Variants in SEC31A observed in about 807,000 individuals in gnomAD.
The protein encoded by SEC31A is protein transport protein Sec31A.
A neutral mutation model predicts 151.0 loss-of-function variants in SEC31A; 70 were observed. The ratio of observed to expected loss-of-function variants is 0.46; its 90% CI spans 0.38 to 0.57. SEC31A has a LOEUF of 0.57. Among genes scored for constraint, SEC31A ranks in the 20% least tolerant of loss-of-function variants. The pLI is 0.00. For synonymous variants in SEC31A, 475 were observed against 505.9 expected (o/e 0.94, Z 0.82); for missense variants, 1,330 against 1,471.2 (o/e 0.90, Z 1.57).
intron 1 of SEC31A, among the ~76,000 whole-genome samples, chr4:82,890,275 C>G (rs1578423643): frequency 6.7e-6 from 1 of 150,166 alleles, no homozygotes. Context: ...ACAGAAAACG[C>G]AGGACGCTGT....
chr4:82,835,786 CA>C (rs1015566713), intron 22 of SEC31A, among the ~76,000 whole-genome samples: 1 of 148,808 alleles, frequency 6.7e-6, no homozygotes, highest in African/African-American at 2.5e-5. Flanking sequence ...CGGAGTGGAA[CA>C]AAAAAAAAGG....
chr4:82,880,231 G>GA (rs34979651), intron 3 of SEC31A, among the ~76,000 whole-genome samples: 2 of 151,102 alleles, frequency 1.3e-5, no homozygotes, highest in African/African-American at 4.9e-5. Flanking sequence ...CAAAAAAACA[G>GA]AAAAAAATGC....
chr4:82,864,522 T>C lies in SEC31A; in HGVS notation c.1274A>G (p.His425Arg), dbSNP rs778432451. The C allele has an allele frequency of 3.2e-5, 51 of 1,609,956 alleles. No homozygotes were observed. The highest frequency in any genetic ancestry group is 4.2e-5 in the Non-Finnish European group (49 of 1,176,912). Residue 425 changes from histidine to arginine, a missense_variant, in exon 11 of 27, where the codon CAC (histidine) becomes CGC (arginine). By Grantham distance (29) the His-to-Arg change is conservative (BLOSUM62 0). Coordinates refer to ENST00000395310, the MANE Select transcript of SEC31A (RefSeq NM_001077207.4). ...TACAACCTGACTAATGAACACATGGTGCTGCTGCTGCTGCTGCTCAGCTCC... is the reference window on the plus strand; with the variant it reads ...TACAACCTGACTAATGAACACATGGCGCTGCTGCTGCTGCTGCTCAGCTCC... ...HQGAEQQQQQ[H>R]HVFISQVVTE...
Position 82,861,628 on chromosome 4 carries a change from T to A in SEC31A, c.1626+3A>T, listed in dbSNP as rs761301396. The A allele has an allele frequency of 6.3e-7, 1 of 1,590,432 alleles. No homozygotes were observed. Among genetic ancestry groups the A allele is most frequent in the Admixed American group, 1.7e-5 (1 of 58,630 alleles). On this transcript the variant is annotated splice_donor_region_variant and intron_variant, in intron 14 of 26. Transcript: ENST00000395310. The stretch of plus-strand genomic sequence containing the variant: ...CAATATAATATGAAAAAAAAATAAG[T>A]ACCTCTCCCAAGAGCTGCTCTTCAG...
chr4:82,862,812 T>C (rs1459378927), intron 12 of SEC31A, among the ~76,000 whole-genome samples: 1 of 152,246 alleles, frequency 6.6e-6, no homozygotes, highest in Non-Finnish European at 1.5e-5. Context: ...CCATCAGGCA[T>C]GCAAGTAAAA....
In SEC31A at chr4:82,890,716, AT is replaced by A. The variant is rs758828480; in HGVS notation, c.-5+371del. On this transcript the variant is annotated intron_variant, in intron 1 of 26. Coordinates refer to ENST00000395310, the MANE Select transcript of SEC31A (RefSeq NM_001077207.4). ...TAACCAAAGCCAAAGTAATCCTGAG[AT>A]TTTTTTTCCTCTCCTCACCCTCGGG... The A allele has an allele frequency of 4.3e-5, 46 of 1,073,880 alleles. No individual in the cohort carries two copies. In the South Asian group the frequency reaches 1.4e-3, roughly 32 times the overall value. The allele number at this position is 1,073,880 out of a possible 1,614,324, so 66.5% of individuals were successfully genotyped here.
chr4:82,844,636 T>C lies in SEC31A; in HGVS notation c.2503-127A>G, dbSNP rs114424115. On this transcript the variant is annotated intron_variant, in intron 20 of 26. Coordinates refer to ENST00000395310, the MANE Select transcript of SEC31A (RefSeq NM_001077207.4). ...AAAAAACTTTATTGCATAAGAAACA[T>C]TGCATTTTGCATATTCTATCTTCCT... 1.9e-3 allele frequency: 1,657 copies of C among 884,660 alleles called. 29 individuals are homozygous for C. In the African/African-American group the frequency reaches 0.026, roughly 14 times the overall value. The allele number at this position is 884,660 out of a possible 1,614,324, so 54.8% of individuals were successfully genotyped here. A position where few individuals can be genotyped will look rare whatever the true frequency, so the allele number is the denominator to read the frequency against.
intron 20 of SEC31A, chr4:82,845,136 A>G: frequency 9.3e-7 from 1 of 1,075,696 alleles, no homozygotes; most frequent in Non-Finnish European, 1.4e-6. Context: ...AGGTAAGTAG[A>G]GAACATATAA....
In SEC31A at chr4:82,874,757, A is replaced by C. The variant is rs1323329279; in HGVS notation, c.499-6T>G. ...CAGCTGATATCTTCTGGCGGCTACAAGGAAGAAACAGTTAATAAAAACTGC... is the reference window on the plus strand; with the variant it reads ...CAGCTGATATCTTCTGGCGGCTACACGGAAGAAACAGTTAATAAAAACTGC... On this transcript the variant is annotated splice_polypyrimidine_tract_variant and splice_region_variant and intron_variant, in intron 5 of 26. Coordinates refer to ENST00000395310, the MANE Select transcript of SEC31A (RefSeq NM_001077207.4). 2 of 1,594,480 alleles carry C rather than the reference A, an allele frequency of 1.3e-6. No homozygotes were observed.
chr4:82,857,884 G>A, intron 14 of SEC31A, 120 bp from the exon 15 acceptor site: 1 of 612,314 alleles, frequency 1.6e-6, no homozygotes, highest in South Asian at 1.9e-5. Context: ...AGTTATTCCA[G>A]AAAAGTTCTC....
chr4:82,888,466 C>A (rs1005992126), intron 1 of SEC31A, among the ~76,000 whole-genome samples: 1 of 114,896 alleles, frequency 8.7e-6, no homozygotes, highest in African/African-American at 3.7e-5. Context: ...CCGAGGCGGG[C>A]GGATCACGAG....
intron 7 of SEC31A, 52 bp from the exon 8 acceptor site, chr4:82,870,476 T>C (rs748571799): frequency 3.6e-6 from 5 of 1,380,454 alleles, no homozygotes; most frequent in Non-Finnish European, 5.1e-6. Flanking sequence ...GAAAACCAAA[T>C]CTCAACTATT....
chr4:82,897,268 C>A (rs1023812985), intron 3 of SEC31A, among the ~76,000 whole-genome samples: 5 of 152,162 alleles, frequency 3.3e-5, no homozygotes, highest in African/African-American at 4.8e-5. Flanking sequence ...TGAGAAGACA[C>A]TTCCAAGTTA....
rs1729042935 is a variant in SEC31A, at chr4:82,842,070, C to T, written c.2968+70G>A. ...TTTACAAACAGTTAGAAATAATACCCCTCCATCCACCCATCTGTTCATAAA... is the reference window on the plus strand; with the variant it reads ...TTTACAAACAGTTAGAAATAATACCTCTCCATCCACCCATCTGTTCATAAA... On this transcript the variant is annotated intron_variant, in intron 22 of 26. Transcript: ENST00000395310. The T allele has an allele frequency of 2.4e-6, 3 of 1,231,464 alleles. No individual in the cohort carries two copies. The East Asian group carries it at 7.2e-5, about 29-fold the overall frequency. The allele number at this position is 1,231,464 out of a possible 1,614,324, so 76.3% of individuals were successfully genotyped here. A position where few individuals can be genotyped will look rare whatever the true frequency, so the allele number is the denominator to read the frequency against.
chr4:82,879,477 GA>G (rs1738786830), intron 3 of SEC31A, among the ~76,000 whole-genome samples: 1 of 151,838 alleles, frequency 6.6e-6, no homozygotes, highest in Admixed American at 6.6e-5. Context: ...TCTAATGGTA[GA>G]AAAATGACAT....
Position 82,878,854 on chromosome 4 carries a change from C to T in SEC31A, c.278G>A (p.Gly93Asp). The T allele has an allele frequency of 6.2e-7, 1 of 1,613,932 alleles. No homozygotes were observed. The highest frequency in any genetic ancestry group is 8.5e-7 in the Non-Finnish European group (1 of 1,179,852). The change falls in exon 4 of 27, where the codon GGT (glycine) becomes GAT (aspartate). Residue 93 changes from glycine (G) to aspartate (D), a missense_variant. Coordinates refer to ENST00000395310, the MANE Select transcript of SEC31A (RefSeq NM_001077207.4). ...ATAGAGAATAATATTTCCATTTTCACCACCTGCAATCAGAACTCCAGAGAC... is the reference window on the plus strand; with the variant it reads ...ATAGAGAATAATATTTCCATTTTCATCACCTGCAATCAGAACTCCAGAGAC... ...GDVSGVLIAG[G>D]ENGNIILYDP...
rs144162230 is a variant in SEC31A at position 82,857,003 on chromosome 4, C to T, written c.1830G>A (p.Leu610=). 6.2e-7 allele frequency: 1 copy of T among 1,612,790 alleles called. No individual in the cohort carries two copies. Among genetic ancestry groups the T allele is most frequent in the East Asian group, 2.2e-5 (1 of 44,826 alleles). Residue 610 remains leucine (L), a synonymous_variant, in exon 16 of 27, where the codon TTG becomes TTA. Coordinates refer to ENST00000395310, the MANE Select transcript of SEC31A (RefSeq NM_001077207.4). The stretch of plus-strand genomic sequence containing the variant: ...CGAAGTATTTTTTCTGGGTTCGAGC[C>T]AAGAGTTCTTGTCCACCTGCTATGG... ...ILAIAGGQEL[L]ARTQKKYFAK... is the part of the protein sequence containing the mutation.
rs192645285 is a variant in SEC31A, at chr4:82,860,881, G to A, written c.1626+750C>T. Among the ~76,000 whole-genome samples the A allele has an allele frequency of 2.4e-3, 360 of 152,124 alleles. 4 individuals are homozygous for A. Among genetic ancestry groups the A allele is most frequent in the African/African-American group, 8.2e-3 (341 of 41,542 alleles). ...GGAGAATGATTTTTGCAATCATCTTGTAATAGACTAAATTTACTTATTTTT... is the reference window on the plus strand; with the variant it reads ...GGAGAATGATTTTTGCAATCATCTTATAATAGACTAAATTTACTTATTTTT... On this transcript the variant is annotated intron_variant, in intron 14 of 26. Coordinates refer to ENST00000395310, the MANE Select transcript of SEC31A (RefSeq NM_001077207.4).
intron 26 of SEC31A, among the ~76,000 whole-genome samples, chr4:82,820,629 C>T (rs1723118934): frequency 6.6e-6 from 1 of 152,044 alleles, no homozygotes; most frequent in Admixed American, 6.6e-5. Context: ...TAATGGCTAT[C>T]CTAAAAGAAA....
Sources: allele counts gnomAD v4.1 joint callset (sites outside exome capture counted in the v4.1 genomes callset), GRCh38; gene constraint gnomAD v4.1.1; transcripts MANE v1.5; gene names NCBI Gene and HGNC (gene_info 2026-07-23, HGNC 2026-07-21).